CYP3A43: variants seen among roughly 807,000 people sequenced by gnomAD.
CYP3A43 encodes the protein cytochrome P450 3A43.
Under a neutral mutation model 58.0 loss-of-function variants are expected in CYP3A43, and 45 were observed. The observed-to-expected ratio is 0.78, with a 90% CI of 0.61 to 0.99. The LOEUF (loss-of-function observed/expected upper bound fraction) is 0.99. Ranked by LOEUF, CYP3A43 falls within the 50% of genes least tolerant of loss-of-function variation. The pLI, the probability that CYP3A43 is intolerant of heterozygous loss-of-function variation, is 0.00. For synonymous variants in CYP3A43, 191 were observed against 201.4 expected (o/e 0.95, Z 0.44); for missense variants, 593 against 591.9 (o/e 1.00, Z -0.02).
chr7:99,851,496 A>G (rs1817759350), intron 7 of CYP3A43, among the ~76,000 whole-genome samples: 1 of 152,178 alleles, frequency 6.6e-6, no homozygotes. Context: ...ACCTTACTAC[A>G]TGTGAACTGG....
chr7:99,829,271 G>A (rs1816746918), intron 1 of CYP3A43, among the ~76,000 whole-genome samples: 1 of 152,172 alleles, frequency 6.6e-6, no homozygotes, highest in Non-Finnish European at 1.5e-5. Flanking sequence ...CCAACAAAAA[G>A]AGCCAAACTC....
chr7:99,854,519 G>A (rs1328785677), intron 7 of CYP3A43, among the ~76,000 whole-genome samples: 148 of 151,996 alleles, frequency 9.7e-4, no homozygotes, highest in Non-Finnish European at 1.8e-4. Context: ...ATATTTTCAA[G>A]GAACCAATTT....
At chr7:99,838,530 G>A (rs533247617) in intron 2 of CYP3A43, 8 of 513,370 alleles carry the variant, frequency 1.6e-5, no homozygotes, top group South Asian at 1.5e-4. Flanking sequence ...ATGCAGAAAT[G>A]AAAACACATC....
At position 99,847,570 on chromosome 7, in the gene CYP3A43, C is replaced by A. The variant is rs1191884990; in HGVS notation, c.401C>A (p.Ser134Tyr). 6.2e-7 allele frequency: 1 copy of A among 1,613,790 alleles called. No individual in the cohort carries two copies. Among genetic ancestry groups the A allele is most frequent in the Non-Finnish European group, 8.5e-7 (1 of 1,179,924 alleles). Reference sequence around the variant, plus strand: ...TGGAAGAGAATACGAACATTGCTATCTCCAGCTTTCACCAGTGTAAAATTC... The same window carrying A: ...TGGAAGAGAATACGAACATTGCTATATCCAGCTTTCACCAGTGTAAAATTC... Reference protein sequence around the residue: ...EEWKRIRTLLSPAFTSVKFKE... With the variant: ...EEWKRIRTLLYPAFTSVKFKE... Residue 134 changes from serine to tyrosine, a missense_variant, in exon 5 of 13, where the codon TCT (serine) becomes TAT (tyrosine). Coordinates refer to ENST00000354829, the MANE Select transcript of CYP3A43 (RefSeq NM_057095.3).
Position 99,848,607 on chromosome 7 carries a change from T to C in CYP3A43, c.521+353T>C, listed in dbSNP as rs546148501. On this transcript the variant is annotated intron_variant, in intron 6 of 12. Transcript: ENST00000354829. ...AGTGGTGGGAGGGGAAGGTGTTTGATAGCTGTTGGCTGGCAGTGACTGGGG... is the reference window on the plus strand; with the variant it reads ...AGTGGTGGGAGGGGAAGGTGTTTGACAGCTGTTGGCTGGCAGTGACTGGGG... 1.1e-4 allele frequency among the ~76,000 whole-genome samples: 17 copies of C among 152,338 alleles called. No homozygotes were observed. The South Asian group carries it at 3.5e-3, about 32-fold the overall frequency.
chr7:99,859,735 T>G, intron 9 of CYP3A43, 95 bp from the exon 10 acceptor site: 1 of 1,514,932 alleles, frequency 6.6e-7, no homozygotes. Flanking sequence ...TTTTTGCTCT[T>G]AGGGATTTGG....
Position 99,861,913 on chromosome 7 carries a change from A to G in CYP3A43, c.1253+74A>G, listed in dbSNP as rs1584241914. ...GTATATTCTGCCTCTCTCGATGCACATGGCAATCATTTGAATATGTGCCTT... is the reference window on the plus strand; with the variant it reads ...GTATATTCTGCCTCTCTCGATGCACGTGGCAATCATTTGAATATGTGCCTT... On this transcript the variant is annotated intron_variant, in intron 11 of 12. Coordinates refer to ENST00000354829, the MANE Select transcript of CYP3A43 (RefSeq NM_057095.3). The G allele has an allele frequency of 1.5e-5, 19 of 1,302,002 alleles. No individual in the cohort carries two copies. The South Asian group carries it at 2.0e-4, about 14-fold the overall frequency. 80.7% of individuals were successfully genotyped at this position (1,302,002 alleles called of 1,614,324 possible).
intron 11 of CYP3A43, among the ~76,000 whole-genome samples, chr7:99,862,301 A>G (rs1305885157): frequency 6.6e-6 from 1 of 152,128 alleles, no homozygotes; most frequent in Non-Finnish European, 1.5e-5. Flanking sequence ...CGTTTAGGAC[A>G]TGTTTCCACA....
chr7:99,863,426 G>C (rs951403544), intron 11 of CYP3A43, 111 bp from the exon 12 acceptor site: 4 of 770,386 alleles, frequency 5.2e-6, no homozygotes. Flanking sequence ...CAACACTTTG[G>C]GAGGCCAAGG....
At chr7:99,841,070 C>T (rs1252978608) in intron 3 of CYP3A43, among the ~76,000 whole-genome samples, 1 of 152,160 alleles carries the variant, frequency 6.6e-6, no homozygotes, top group Non-Finnish European at 1.5e-5. Context: ...GAGTTTTCTG[C>T]TTCCATAATG....
intron 7 of CYP3A43, among the ~76,000 whole-genome samples, chr7:99,851,853 T>C (rs1817774729): frequency 6.6e-6 from 1 of 152,246 alleles, no homozygotes; most frequent in Admixed American, 6.5e-5. Flanking sequence ...ATCCTGTAGG[T>C]ATCAAATCTA....
intron 1 of CYP3A43, among the ~76,000 whole-genome samples, chr7:99,829,181 A>T (rs1816742426): frequency 6.6e-6 from 1 of 152,198 alleles, no homozygotes; most frequent in African/African-American, 2.4e-5. Flanking sequence ...CACCCAAGAG[A>T]TTCACCTTGC....
chr7:99,832,966 C>T (rs1271030050), intron 1 of CYP3A43, among the ~76,000 whole-genome samples: 1 of 152,104 alleles, frequency 6.6e-6, no homozygotes, highest in Non-Finnish European at 1.5e-5. Flanking sequence ...ATTTCCAAAT[C>T]AGGAAAGAAT....
At chr7:99,835,295 G>T (rs1466427797) in intron 1 of CYP3A43, among the ~76,000 whole-genome samples, 1 of 152,212 alleles carries the variant, frequency 6.6e-6, no homozygotes, top group Non-Finnish European at 1.5e-5. Flanking sequence ...TGTTGGTGTT[G>T]TGTCAGTGTA....
chr7:99,837,075 A>T (rs1012991716), intron 2 of CYP3A43, among the ~76,000 whole-genome samples: 4 of 150,310 alleles, frequency 2.7e-5, no homozygotes, highest in African/African-American at 9.8e-5. Context: ...GGAGGCCGAG[A>T]CGGGCGGATC....
In CYP3A43 at chr7:99,840,501, C is replaced by T. The variant is rs577261602; in HGVS notation, c.218+1329C>T. Among the ~76,000 whole-genome samples the T allele has an allele frequency of 1.2e-4, 19 of 152,276 alleles. 2 individuals carry two copies. The South Asian group carries it at 3.3e-3, about 27-fold the overall frequency. Reference sequence around the variant, plus strand: ...ATATCTCATGTAAAATGTAGATTTTCTGAGTACAACATGAATGCATAATTG... The same window carrying T: ...ATATCTCATGTAAAATGTAGATTTTTTGAGTACAACATGAATGCATAATTG... On this transcript the variant is annotated intron_variant, in intron 3 of 12. Coordinates refer to ENST00000354829, the MANE Select transcript of CYP3A43 (RefSeq NM_057095.3).
intron 7 of CYP3A43, 192 bp from the exon 8 acceptor site, chr7:99,855,399 C>T (rs1198348542): frequency 2.5e-5 from 15 of 608,926 alleles, no homozygotes; most frequent in Non-Finnish European, 3.7e-5. Context: ...ATGTGTGGAT[C>T]TGCTCTTGCT....
chr7:99,843,717 C>T (rs567869378), intron 3 of CYP3A43, among the ~76,000 whole-genome samples: 138 of 152,234 alleles, frequency 9.1e-4, no homozygotes, highest in Non-Finnish European at 1.2e-3. Context: ...CCACCCACCT[C>T]GGCCTCCCCA....
chr7:99,835,400 C>T (rs1433906525), intron 1 of CYP3A43, among the ~76,000 whole-genome samples: 1 of 152,178 alleles, frequency 6.6e-6, no homozygotes, highest in African/African-American at 2.4e-5. Context: ...CAAACCATTG[C>T]AGACTGCTTC....
Sources: allele counts gnomAD v4.1 joint callset (sites outside exome capture counted in the v4.1 genomes callset), GRCh38; gene constraint gnomAD v4.1.1; transcripts MANE v1.5; gene names NCBI Gene and HGNC (gene_info 2026-07-23, HGNC 2026-07-21).